ANKRD12: variants seen among roughly 807,000 people sequenced by gnomAD.
ANKRD12 encodes the protein ankyrin repeat domain 12.
In ANKRD12, 85 loss-of-function variants were observed where a neutral mutation model predicts 183.4. The ratio of observed to expected loss-of-function variants is 0.46; its 90% confidence interval spans 0.39 to 0.56. The LOEUF is 0.56. Ranked by LOEUF, ANKRD12 falls within the 20% of genes least tolerant of loss-of-function variation. The pLI is 0.00. For missense variants in ANKRD12, 2,405 were observed against 2,357.1 expected (o/e 1.02, Z -0.42); for synonymous variants, 914 against 800.2 (o/e 1.14, Z -2.40).
At chr18:9,245,284 TA>T (rs2037893163) in intron 8 of ANKRD12, among the ~76,000 whole-genome samples, 1 of 144,356 alleles carries the variant, frequency 6.9e-6, no homozygotes, top group Non-Finnish European at 1.5e-5. Context: ...ACCCCATTTC[TA>T]CAAAAAAAAA....
At chr18:9,165,951 A>G (rs867796314) in intron 1 of ANKRD12, among the ~76,000 whole-genome samples, 76 of 143,334 alleles carry the variant, frequency 5.3e-4, no homozygotes, top group Non-Finnish European at 8.4e-4. Context: ...ATTACCACCT[A>G]TGAGTGAGAA....
chr18:9,254,242 T>G lies in ANKRD12; in HGVS notation c.975T>G (p.Ser325=). ...DSEEAQSVNP[S]SVDENIDSET... The stretch of plus-strand genomic sequence containing the variant: ...AAGAGGCTCAATCTGTAAATCCTTC[T>G]AGTGTTGATGAAAATATTGACTCTG... The change falls in exon 9 of 13, where the codon TCT becomes TCG. Residue 325 remains serine, a synonymous_variant. Coordinates refer to ENST00000262126, the MANE Select transcript of ANKRD12 (RefSeq NM_015208.5). 6.3e-7 allele frequency: 1 copy of G among 1,595,630 alleles called. No individual in the cohort carries two copies. The highest frequency in any genetic ancestry group is 8.5e-7 in the Non-Finnish European group (1 of 1,174,066).
intron 2 of ANKRD12, among the ~76,000 whole-genome samples, chr18:9,192,334 T>G: frequency 6.6e-6 from 1 of 152,234 alleles, no homozygotes; most frequent in East Asian, 1.9e-4. Flanking sequence ...TTTAATCTTT[T>G]GATACAATGA....
chr18:9,275,446 C>G, intron 10 of ANKRD12, 78 bp from the exon 11 acceptor site: 1 of 1,363,498 alleles, frequency 7.3e-7, no homozygotes, highest in Non-Finnish European at 1.0e-6. Context: ...GCACTCCAGC[C>G]TAGGCGAGAG....
At chr18:9,242,980 A>G (rs1297466639) in intron 8 of ANKRD12, among the ~76,000 whole-genome samples, 1 of 152,198 alleles carries the variant, frequency 6.6e-6, no homozygotes, top group African/African-American at 2.4e-5. Context: ...TGCTTTAGAA[A>G]ATTGAAATTT....
chr18:9,194,078 G>A (rs2034623829), intron 2 of ANKRD12, among the ~76,000 whole-genome samples: 1 of 152,130 alleles, frequency 6.6e-6, no homozygotes, highest in Non-Finnish European at 1.5e-5. Context: ...GGCCTGGATA[G>A]ATTATTCTTT....
chr18:9,235,899 A>G (rs2037319116), intron 8 of ANKRD12: 1 of 276,832 alleles, frequency 3.6e-6, no homozygotes, highest in African/African-American at 2.2e-5. Context: ...AAAATCTTAT[A>G]GAAAACTCAG....
At chr18:9,262,781 A>G in intron 9 of ANKRD12, among the ~76,000 whole-genome samples, 1 of 103,406 alleles carries the variant, frequency 9.7e-6, no homozygotes, top group Non-Finnish European at 1.9e-5. Context: ...CCCAGCCAAG[A>G]TGTCCCTTTT....
In ANKRD12 at chr18:9,257,435, A is replaced by G. The variant is rs2038701998; in HGVS notation, c.4168A>G (p.Lys1390Glu). The G allele has an allele frequency of 6.2e-7, 1 of 1,614,116 alleles. No homozygotes were observed. The highest frequency in any genetic ancestry group is 8.5e-7 in the Non-Finnish European group (1 of 1,179,998). ...KYVSADRNLI[K>E]NTAPVNTVMD... The stretch of plus-strand genomic sequence containing the variant: ...TGTTTCAGCTGATAGAAATCTCATC[A>G]AGAATACTGCCCCAGTGAACACTGT... The change falls in exon 9 of 13, where the codon AAG becomes GAG. Residue 1390 changes from lysine (K) to glutamate (E), a missense_variant. By Grantham distance (56) the Lys-to-Glu change is moderately conservative. Around this residue, in one of 7 missense-constraint regions of ANKRD12, gnomAD observed 1,983 missense variants for 1,725.9 expected, o/e 1.15. Coordinates refer to ENST00000262126, the MANE Select transcript of ANKRD12 (RefSeq NM_015208.5).
At position 9,254,761 on chromosome 18, in the gene ANKRD12, A is replaced by G; in HGVS notation, c.1494A>G (p.Thr498=). 1 of 1,471,284 alleles carries G rather than the reference A, an allele frequency of 6.8e-7. No individual in the cohort carries two copies. Among genetic ancestry groups the G allele is most frequent in the Non-Finnish European group, 9.0e-7 (1 of 1,112,062 alleles). The allele number at this position is 1,471,284 out of a possible 1,614,324, so 91.1% of individuals were successfully genotyped here. A position where few individuals can be genotyped will look rare whatever the true frequency, so the allele number is the denominator to read the frequency against. The change falls in exon 9 of 13, where the codon ACA becomes ACG. Residue 498 remains threonine (T), a synonymous_variant. Transcript: ENST00000262126. The part of the protein sequence containing the change: ...LKQEKEGKEN[T]RITNLTVNTG... The stretch of plus-strand genomic sequence containing the variant: ...AAGAAAAGGAAGGAAAAGAAAATAC[A>G]AGAATAACAAACTTGACAGTAAATA...
At chr18:9,220,562 G>A (rs1409498792) in intron 7 of ANKRD12, among the ~76,000 whole-genome samples, 1 of 152,166 alleles carries the variant, frequency 6.6e-6, no homozygotes, top group South Asian at 2.1e-4. Context: ...GAAAATTTTG[G>A]TGCCAGTTAC....
At chr18:9,215,751 T>G (rs1437905672) in intron 6 of ANKRD12, among the ~76,000 whole-genome samples, 7 of 152,090 alleles carry the variant, frequency 4.6e-5, no homozygotes, top group Non-Finnish European at 1.5e-5. Context: ...TGTCATGACG[T>G]CACAGGATTT....
Position 9,202,794 on chromosome 18 carries a change from G to A in ANKRD12, c.236-1682G>A, listed in dbSNP as rs577031328. Among the ~76,000 whole-genome samples, 17 of 152,126 alleles carry A rather than the reference G, an allele frequency of 1.1e-4. 2 individuals are homozygous for A. The highest frequency in any genetic ancestry group is 2.2e-4 in the Non-Finnish European group (15 of 68,026). ...AGGGGACAGGGAAATGTTAATAGAA[G>A]CTTTAATTTTCCAGTTCCTGAGTTA... is the stretch of plus-strand genomic sequence containing the variant. On this transcript the variant is annotated intron_variant, in intron 3 of 12. Coordinates refer to ENST00000262126, the MANE Select transcript of ANKRD12 (RefSeq NM_015208.5).
chr18:9,252,926 T>TA (rs891321169), intron 8 of ANKRD12, among the ~76,000 whole-genome samples: 48 of 152,296 alleles, frequency 3.2e-4, no homozygotes, highest in African/African-American at 1.0e-3. Flanking sequence ...TTCTCTCTCC[T>TA]AAAAAAAGTG....
intron 8 of ANKRD12, among the ~76,000 whole-genome samples, chr18:9,229,345 T>TTGA (rs2036909770): frequency 6.6e-6 from 1 of 152,206 alleles, no homozygotes; most frequent in Non-Finnish European, 1.5e-5. Context: ...CATTGATATT[T>TTGA]TGATGGGGAT....
At chr18:9,230,464 C>G (rs763364176) in intron 8 of ANKRD12, among the ~76,000 whole-genome samples, 29 of 151,870 alleles carry the variant, frequency 1.9e-4, no homozygotes, top group Non-Finnish European at 3.8e-4. Flanking sequence ...TTGTTTAGTT[C>G]TGCTGTGATC....
Position 9,256,329 on chromosome 18 carries a change from A to T in ANKRD12, c.3062A>T (p.Asp1021Val). 1 of 1,589,782 alleles carries T rather than the reference A, an allele frequency of 6.3e-7. No homozygotes were observed. Among genetic ancestry groups the T allele is most frequent in the South Asian group, 1.2e-5 (1 of 86,494 alleles). The change falls in exon 9 of 13, where the codon GAT (aspartate) becomes GTT (valine). Residue 1021 changes from aspartate (D) to valine (V), a missense_variant. Physicochemically the swap from Asp to Val is radical, Grantham distance 152. Transcript: ENST00000262126. The part of the protein sequence containing the change: ...TPDGKEKDKK[D>V]KDIDRYKERD... Reference sequence around the variant, plus strand: ...GATGGAAAAGAAAAAGATAAAAAAGATAAAGATATAGATAGATACAAAGAA... The same window carrying T: ...GATGGAAAAGAAAAAGATAAAAAAGTTAAAGATATAGATAGATACAAAGAA...
In ANKRD12 at chr18:9,147,109, G is replaced by GT. The variant is rs536775217; in HGVS notation, c.-52+10153dup. On this transcript the variant is annotated intron_variant, in intron 1 of 12. Coordinates refer to ENST00000262126, the MANE Select transcript of ANKRD12 (RefSeq NM_015208.5). Reference sequence around the variant, plus strand: ...CAACTGCATCAAGAATTTGGACGTAGTTTTTTTTTAGGATCTCAGGCTTAT... The same window carrying GT: ...CAACTGCATCAAGAATTTGGACGTAGTTTTTTTTTTAGGATCTCAGGCTTAT... Among the ~76,000 whole-genome samples, 184 of 151,446 alleles carry GT rather than the reference G, an allele frequency of 1.2e-3. 1 individual carries two copies. The highest frequency in any genetic ancestry group is 1.4e-3 in the Non-Finnish European group (97 of 67,772).
chr18:9,257,770 T>C lies in ANKRD12; in HGVS notation c.4503T>C (p.Asp1501=). ...PCSFPSQSLS[D]AESISKHMSL... ...CTTTCCCCAGCCAATCACTTTCAGA[T>C]GCTGAATCGATTTCTAAACATATGT... Residue 1501 remains aspartate, a synonymous_variant, in exon 9 of 13, where the codon GAT becomes GAC. Coordinates refer to ENST00000262126, the MANE Select transcript of ANKRD12 (RefSeq NM_015208.5). The C allele has an allele frequency of 2.5e-6, 4 of 1,614,080 alleles. No homozygotes were observed. Among genetic ancestry groups the C allele is most frequent in the Non-Finnish European group, 3.4e-6 (4 of 1,179,994 alleles).
Sources: gnomAD v4.1 joint callset for allele counts (sites outside exome capture counted in the v4.1 genomes callset) on GRCh38, gnomAD v4.1.1 for gene constraint, gnomAD v4.1.1 regional missense constraint, MANE v1.5 for transcripts, NCBI Gene and HGNC (gene_info 2026-07-23, HGNC 2026-07-21) for gene names.